PDK3: variants seen among roughly 807,000 people sequenced by gnomAD.
PDK3 encodes pyruvate dehydrogenase kinase, isozyme 3.
A neutral mutation model predicts 32.0 loss-of-function variants in PDK3; 12 were observed. That is an observed-to-expected ratio of 0.37 (90% CI 0.24 to 0.61). The LOEUF (loss-of-function observed/expected upper bound fraction) is 0.61. Among genes scored for constraint, PDK3 ranks in the 20% least tolerant of loss-of-function variants. The probability of loss-of-function intolerance (pLI) is 0.65; values close to 1 mark genes in which losing one functional copy is unlikely to be tolerated. For missense variants in PDK3, 188 were observed against 316.9 expected (o/e 0.59, Z 3.09); for synonymous variants, 122 against 116.3 (o/e 1.05, Z -0.31).
At chrX:24,476,996 G>T (rs1369582873) in intron 1 of PDK3, among the ~76,000 whole-genome samples, 1 of 112,041 alleles carries the variant, frequency 8.9e-6, no homozygotes, top group African/African-American at 3.2e-5. Context: ...CATTTAAGTG[G>T]TAAAGCTCTG....
At chrX:24,510,781 A>G (rs1279856363) in intron 5 of PDK3, among the ~76,000 whole-genome samples, 2 of 111,874 alleles carry the variant, frequency 1.8e-5, no homozygotes, top group Non-Finnish European at 3.8e-5. Flanking sequence ...CCAAGTGTGC[A>G]TAACCTTTAT....
chrX:24,516,389 A>G (rs1922255563), intron 5 of PDK3, among the ~76,000 whole-genome samples: 3 of 112,279 alleles, frequency 2.7e-5, no homozygotes, highest in South Asian at 7.5e-4. Flanking sequence ...ACATTTGGAC[A>G]TAAAGGTTCA....
chrX:24,527,625 C>G lies in PDK3; in HGVS notation c.802C>G (p.Pro268Ala), dbSNP rs2148201736. Residue 268 changes from proline to alanine, a missense_variant, in exon 8 of 11, where the codon CCT (proline) becomes GCT (alanine). Transcript: ENST00000379162. ...ELYEDRKEGYPAVKTLVTLGK... is the reference protein window; with the variant it reads ...ELYEDRKEGYAAVKTLVTLGK... ...CTATGAAGACAGAAAAGAGGGCTAC[C>G]CTGCTGTTAAAACCCTCGTTACTTT... The G allele has an allele frequency of 8.4e-7, 1 of 1,196,318 alleles. No homozygotes were observed. The highest frequency in any genetic ancestry group is 3.0e-5 in the East Asian group (1 of 33,673).
At chrX:24,496,963 G>A (rs1457600544) in intron 2 of PDK3, among the ~76,000 whole-genome samples, 1 of 106,763 alleles carries the variant, frequency 9.4e-6, no homozygotes, top group Non-Finnish European at 1.9e-5. Flanking sequence ...TGTATTTTTA[G>A]TAAAGACGGG....
In PDK3 at chrX:24,498,814, T is replaced by C. The variant is rs1343030430; in HGVS notation, c.249-15T>C. ...CATAGTAACTCTTCTTTTTCTTTTT[T>C]TTTTTTCCTTTTAGGTATATGCAGA... is the stretch of plus-strand genomic sequence containing the variant. On this transcript the variant is annotated splice_polypyrimidine_tract_variant and intron_variant, in intron 2 of 10. Coordinates refer to ENST00000379162, the MANE Select transcript of PDK3 (RefSeq NM_005391.5). 1.9e-6 allele frequency: 2 copies of C among 1,034,582 alleles called. No homozygotes were observed. Among genetic ancestry groups the C allele is most frequent in the Admixed American group, 5.9e-5 (2 of 33,730 alleles). 85.3% of individuals were successfully genotyped at this position (1,034,582 alleles called of 1,213,427 possible).
chrX:24,476,139 C>A (rs1921107624), intron 1 of PDK3, among the ~76,000 whole-genome samples: 1 of 110,317 alleles, frequency 9.1e-6, no homozygotes, highest in South Asian at 3.8e-4. Context: ...ATACCCTGGT[C>A]TAAGAATGTC....
chrX:24,544,171 C>T (rs774181143), exon 12 of PDK3, among the ~76,000 whole-genome samples: 2 of 111,151 alleles, frequency 1.8e-5, no homozygotes, highest in Non-Finnish European at 3.8e-5. Flanking sequence ...TAAGGAGTGA[C>T]ACGAAGCCTC....
At chrX:24,504,366 G>T (rs1921930800) in intron 4 of PDK3, among the ~76,000 whole-genome samples, 1 of 112,373 alleles carries the variant, frequency 8.9e-6, no homozygotes. Flanking sequence ...AACTCCAGTT[G>T]CTTTCTGATC....
At chrX:24,529,535 A>G (rs1045740285) in intron 9 of PDK3, among the ~76,000 whole-genome samples, 1 of 111,210 alleles carries the variant, frequency 9.0e-6, no homozygotes, top group East Asian at 2.8e-4. Context: ...AGGCGGGTGG[A>G]TCACTTAAGG....
At position 24,522,681 on chromosome X, in the gene PDK3, G is replaced by A. The variant is rs192726065; in HGVS notation, c.674-3517G>A. 6.8e-3 allele frequency among the ~76,000 whole-genome samples: 751 copies of A among 110,814 alleles called. 16 individuals carry two copies. The highest frequency in any genetic ancestry group is 0.049 in the Admixed American group (507 of 10,297). ...AGCACTTTGGGAGGCCGAGGTGGGC[G>A]GATCACTTGAGGTCAGGAGTTCGAG... On this transcript the variant is annotated intron_variant, in intron 6 of 10. Coordinates refer to ENST00000379162, the MANE Select transcript of PDK3 (RefSeq NM_005391.5).
chrX:24,504,678 G>A (rs757750192), intron 4 of PDK3, among the ~76,000 whole-genome samples: 1 of 111,878 alleles, frequency 8.9e-6, no homozygotes, highest in East Asian at 2.8e-4. Flanking sequence ...CTTGTATATT[G>A]TGAAATTATC....
At chrX:24,518,642 C>A (rs1195121699) in intron 5 of PDK3, among the ~76,000 whole-genome samples, 2 of 112,027 alleles carry the variant, frequency 1.8e-5, no homozygotes, top group African/African-American at 6.5e-5. Context: ...TATGATCACA[C>A]CACTGTACTC....
intron 9 of PDK3, among the ~76,000 whole-genome samples, chrX:24,530,857 G>A (rs748158627): frequency 1.9e-4 from 21 of 111,417 alleles, no homozygotes; most frequent in African/African-American, 5.5e-4. Context: ...TCACATTCCC[G>A]GAACCTTAGT....
At chrX:24,513,896 T>C (rs1922188889) in intron 5 of PDK3, among the ~76,000 whole-genome samples, 1 of 111,945 alleles carries the variant, frequency 8.9e-6, no homozygotes, top group South Asian at 3.7e-4. Flanking sequence ...TGTTTTCTGG[T>C]CATTTACATT....
intron 10 of PDK3, among the ~76,000 whole-genome samples, chrX:24,532,903 A>T (rs745756956): frequency 3.6e-5 from 4 of 110,773 alleles, no homozygotes; most frequent in African/African-American, 1.3e-4. Flanking sequence ...TAACCCAAGA[A>T]TCTGCAATCC....
At chrX:24,538,330 A>AAT (rs1410440945), downstream of PDK3, among the ~76,000 whole-genome samples, 7 of 112,298 alleles carry the variant, frequency 6.2e-5, no homozygotes. Context: ...CTATACAAAT[A>AAT]ATCGGTAGAG....
At chrX:24,506,742 TCA>T (rs1378893201) in intron 5 of PDK3, among the ~76,000 whole-genome samples, 1 of 109,674 alleles carries the variant, frequency 9.1e-6, no homozygotes, top group Admixed American at 9.8e-5. Flanking sequence ...TTTAGTGTAT[TCA>T]CAGAGTTGTG....
intron 1 of PDK3, among the ~76,000 whole-genome samples, chrX:24,483,723 G>A (rs915958360): frequency 1.8e-4 from 20 of 111,610 alleles, no homozygotes; most frequent in African/African-American, 5.9e-4. Flanking sequence ...TTTTGTGTGT[G>A]TGTATGTGAC....
In PDK3 at chrX:24,492,457, C is replaced by A. The variant is rs185123074; in HGVS notation, c.107-2285C>A. Reference sequence around the variant, plus strand: ...CACAAAAATTAGCCAAGCATTGTGACGGGCGCCTGTAATCCCAGCTACTCG... The same window carrying A: ...CACAAAAATTAGCCAAGCATTGTGAAGGGCGCCTGTAATCCCAGCTACTCG... On this transcript the variant is annotated intron_variant, in intron 1 of 10. Coordinates refer to ENST00000379162, the MANE Select transcript of PDK3 (RefSeq NM_005391.5). Among the ~76,000 whole-genome samples the A allele has an allele frequency of 1.7e-4, 19 of 110,576 alleles. No homozygotes were observed. In the East Asian group the frequency reaches 5.2e-3, roughly 30 times the overall value.
Sources: gnomAD v4.1 joint callset for allele counts (sites outside exome capture counted in the v4.1 genomes callset) on GRCh38, gnomAD v4.1.1 for gene constraint, MANE v1.5 for transcripts, NCBI Gene and HGNC (gene_info 2026-07-23, HGNC 2026-07-21) for gene names.